CHN1: variants seen among roughly 807,000 people sequenced by gnomAD.
CHN1 encodes chimerin 1.
CHN1 carries 37 observed loss-of-function variants against 59.5 expected under a neutral mutation model. That is an observed-to-expected ratio of 0.62 (90% CI 0.48 to 0.82). CHN1 has a LOEUF of 0.82. Among genes scored for constraint, CHN1 ranks in the 40% least tolerant of loss-of-function variants. The pLI, the probability that CHN1 is intolerant of heterozygous loss-of-function variation, is 0.00. For synonymous variants in CHN1, 206 were observed against 200.4 expected (o/e 1.03, Z -0.24); for missense variants, 469 against 571.0 (o/e 0.82, Z 1.82).
chr2:174,879,980 G>A (rs1356248530), intron 5 of CHN1, among the ~76,000 whole-genome samples: 2 of 152,170 alleles, frequency 1.3e-5, no homozygotes, highest in Non-Finnish European at 2.9e-5. Context: ...GAAGTCTAGA[G>A]TTAACTTCCT....
intron 9 of CHN1, 52 bp downstream of exon 9, chr2:174,812,257 T>G: frequency 6.7e-7 from 1 of 1,497,602 alleles, no homozygotes; most frequent in Non-Finnish European, 9.0e-7. Flanking sequence ...GCATCAGGAT[T>G]GGTACTGGTA....
At chr2:174,833,262 A>G (rs113717547) in intron 7 of CHN1, among the ~76,000 whole-genome samples, 4,484 of 152,324 alleles carry the variant, frequency 0.029, 116 homozygotes, top group South Asian at 0.11. Context: ...TTAGGTACAT[A>G]TAAATTTTAA....
Position 174,847,359 on chromosome 2 carries a change from T to G in CHN1, c.550-402A>C, listed in dbSNP as rs945365207. ...TTTTTTTTTCTTAAAGGGATCTATA[T>G]TCTAGCTTCTAAAAACTTGAGTCTG... On this transcript the variant is annotated intron_variant, in intron 6 of 12. Coordinates refer to ENST00000409900, the MANE Select transcript of CHN1 (RefSeq NM_001822.7). 4 of 1,275,262 alleles carry G rather than the reference T, an allele frequency of 3.1e-6. No homozygotes were observed. The African/African-American group carries it at 6.1e-5, about 19-fold the overall frequency. The allele number at this position is 1,275,262 out of a possible 1,614,324, so 79.0% of individuals were successfully genotyped here. A position where few individuals can be genotyped will look rare whatever the true frequency, so the allele number is the denominator to read the frequency against.
chr2:175,005,039 G>A lies in CHN1; in HGVS notation c.-127C>T. On this transcript the variant is annotated 5_prime_UTR_variant, in exon 1 of 13. Transcript: ENST00000409900. ...GTGCCCGATGGGGCGTGCTGGGGGC[G>A]CCGGCGCCCGGGGAGGCTGCAGGCC... 2.1e-6 allele frequency: 3 copies of A among 1,408,336 alleles called. No individual in the cohort carries two copies. Among genetic ancestry groups the A allele is most frequent in the Admixed American group, 2.8e-5 (1 of 36,064 alleles). 87.2% of individuals were successfully genotyped at this position (1,408,336 alleles called of 1,614,324 possible).
chr2:174,828,834 CTT>C (rs1685779615), intron 7 of CHN1, among the ~76,000 whole-genome samples: 1 of 152,178 alleles, frequency 6.6e-6, no homozygotes, highest in Non-Finnish European at 1.5e-5. Context: ...CAGAGAGTGA[CTT>C]TTGCCTAGAA....
At chr2:174,972,357 A>C (rs1454386697) in intron 1 of CHN1, among the ~76,000 whole-genome samples, 2 of 152,196 alleles carry the variant, frequency 1.3e-5, no homozygotes, top group Admixed American at 1.3e-4. Flanking sequence ...ACAGGCACTT[A>C]CTGTCTGCAT....
At chr2:174,963,561 G>C (rs1484598423) in intron 1 of CHN1, among the ~76,000 whole-genome samples, 1 of 152,208 alleles carries the variant, frequency 6.6e-6, no homozygotes, top group Non-Finnish European at 1.5e-5. Flanking sequence ...AAACAATGCA[G>C]AGTGGCTGAA....
At chr2:174,832,386 G>GGAA (rs1211772282) in intron 7 of CHN1, among the ~76,000 whole-genome samples, 1 of 151,820 alleles carries the variant, frequency 6.6e-6, no homozygotes, top group Non-Finnish European at 1.5e-5. Flanking sequence ...TTCTTAAGAT[G>GGAA]GAAGCTTAGC....
chr2:174,973,966 T>C (rs1407928255), intron 1 of CHN1, among the ~76,000 whole-genome samples: 1 of 152,226 alleles, frequency 6.6e-6, no homozygotes, highest in Non-Finnish European at 1.5e-5. Context: ...GTATCTCTTA[T>C]ATGAACATAT....
intron 5 of CHN1, among the ~76,000 whole-genome samples, chr2:174,892,663 A>G (rs1688089206): frequency 6.6e-6 from 1 of 152,250 alleles, no homozygotes. Flanking sequence ...GATTACTACA[A>G]GAAAACTATA....
At chr2:174,801,935 C>T (rs1320273164) in intron 11 of CHN1, 123 bp from the exon 12 acceptor site, 1 of 726,258 alleles carries the variant, frequency 1.4e-6, no homozygotes, top group Non-Finnish European at 2.4e-6. Context: ...CTCGTAATTC[C>T]TTGTCCACAG....
At chr2:174,848,351 C>T (rs181529318) in intron 6 of CHN1, among the ~76,000 whole-genome samples, 29 of 151,214 alleles carry the variant, frequency 1.9e-4, no homozygotes, top group African/African-American at 6.1e-4. Context: ...GGTGTAGAAA[C>T]GGGGTGGCTA....
Position 174,811,345 on chromosome 2 carries a change from A to C in CHN1, c.964+166T>G, listed in dbSNP as rs908875447. ...ATATTCTGAAATTTGACTGTTTAAT[A>C]CTTACAACTCAGAAAAAAGAAGAAA... On this transcript the variant is annotated intron_variant, in intron 10 of 12. Coordinates refer to ENST00000409900, the MANE Select transcript of CHN1 (RefSeq NM_001822.7). 2.6e-5 allele frequency: 14 copies of C among 538,672 alleles called. No individual in the cohort carries two copies. The Admixed American group carries it at 4.9e-4, about 19-fold the overall frequency. 33.4% of individuals were successfully genotyped at this position (538,672 alleles called of 1,614,324 possible). A position where few individuals can be genotyped will look rare whatever the true frequency, so the allele number is the denominator to read the frequency against.
intron 7 of CHN1, among the ~76,000 whole-genome samples, chr2:174,836,660 C>T (rs957588209): frequency 2.0e-5 from 3 of 152,158 alleles, no homozygotes; most frequent in Non-Finnish European, 2.9e-5. Context: ...TTTTTCAGTA[C>T]ACAGAACAAG....
At chr2:174,980,527 G>C (rs561212842) in intron 1 of CHN1, among the ~76,000 whole-genome samples, 1 of 151,966 alleles carries the variant, frequency 6.6e-6, no homozygotes, top group African/African-American at 2.4e-5. Flanking sequence ...ATAGGAACAT[G>C]CATTATTGGT....
chr2:174,951,990 G>A (rs997274322), intron 2 of CHN1, among the ~76,000 whole-genome samples, 174 bp downstream of exon 2: 5 of 152,126 alleles, frequency 3.3e-5, no homozygotes, highest in Non-Finnish European at 7.4e-5. Context: ...ATACTGTACA[G>A]ACTTTGTGTA....
At chr2:174,852,920 G>C (rs1296573806) in intron 6 of CHN1, among the ~76,000 whole-genome samples, 1 of 152,096 alleles carries the variant, frequency 6.6e-6, no homozygotes, top group Non-Finnish European at 1.5e-5. Flanking sequence ...AATGAAAATT[G>C]GATCCTTACC....
intron 1 of CHN1, among the ~76,000 whole-genome samples, chr2:174,984,360 T>C (rs1178763376): frequency 1.3e-5 from 2 of 151,114 alleles, no homozygotes; most frequent in Admixed American, 6.6e-5. Flanking sequence ...GAATGTGTTT[T>C]ATAAGCTTTT....
intron 1 of CHN1, among the ~76,000 whole-genome samples, chr2:174,979,678 C>T (rs1409582403): frequency 1.9e-4 from 29 of 151,776 alleles, no homozygotes; most frequent in Non-Finnish European, 1.5e-5. Context: ...GTCAAGAGAT[C>T]GAGACCATCC....
Sources: gnomAD v4.1 joint callset for allele counts (sites outside exome capture counted in the v4.1 genomes callset) on GRCh38, gnomAD v4.1.1 for gene constraint, MANE v1.5 for transcripts, NCBI Gene and HGNC (gene_info 2026-07-23, HGNC 2026-07-21) for gene names.